The following ARHGAP32 variants were observed in gnomAD, a reference collection of about 807,000 sequenced individuals.
The protein encoded by ARHGAP32 is rho GTPase-activating protein 32.
Under a neutral mutation model 186.5 loss-of-function variants are expected in ARHGAP32, and 51 were observed. The ratio of observed to expected loss-of-function variants is 0.27; its 90% CI spans 0.22 to 0.35. The LOEUF is 0.35. Among genes scored for constraint, ARHGAP32 ranks in the 10% least tolerant of loss-of-function variants. ARHGAP32 has a pLI of 1.00. For missense variants in ARHGAP32, 2,186 were observed against 2,623.5 expected (o/e 0.83, Z 3.64); for synonymous variants, 950 against 964.3 (o/e 0.99, Z 0.27).
At chr11:129,114,686 C>T (rs1383168232) in intron 5 of ARHGAP32, among the ~76,000 whole-genome samples, 1 of 152,034 alleles carries the variant, frequency 6.6e-6, no homozygotes, top group Non-Finnish European at 1.5e-5. Flanking sequence ...ATAATTTTCA[C>T]TTCTCAATTT....
rs934789932 is a variant in ARHGAP32, at chr11:128,986,053, C to T, written c.1476G>A (p.Arg492=). The T allele has an allele frequency of 1.9e-6, 3 of 1,606,970 alleles. No homozygotes were observed. The highest frequency in any genetic ancestry group is 1.1e-5 in the South Asian group (1 of 90,134). Residue 492 remains arginine (R), a synonymous_variant, in exon 15 of 23, where the codon AGG becomes AGA. Coordinates refer to ENST00000682385, the MANE Select transcript of ARHGAP32 (RefSeq NM_001378024.1). ...DAVSAATDEE[R]LIKIHDVIQQ... ...GGATGACATCGTGGATTTTTATCAG[C>T]CTTTCTTCATCTGTTGCTGCTGAAA... is the stretch of plus-strand genomic sequence containing the variant.
chr11:129,174,670 A>C (rs1447079833), intron 1 of ARHGAP32, among the ~76,000 whole-genome samples: 3 of 152,138 alleles, frequency 2.0e-5, no homozygotes, highest in Admixed American at 6.5e-5. Flanking sequence ...AGGCACCCCC[A>C]AGCAGGGGCA....
At chr11:129,186,810 G>A (rs369708425) in intron 1 of ARHGAP32, among the ~76,000 whole-genome samples, 3 of 152,126 alleles carry the variant, frequency 2.0e-5, no homozygotes, top group African/African-American at 7.2e-5. Context: ...AAACTACAGT[G>A]AGAGATCATC....
chr11:129,246,508 T>G (rs1041527543), intron 1 of ARHGAP32, among the ~76,000 whole-genome samples: 1 of 152,182 alleles, frequency 6.6e-6, no homozygotes, highest in Non-Finnish European at 1.5e-5. Context: ...AATAAAATTA[T>G]GAAAGCCAAT....
chr11:129,264,452 G>A (rs1298641929), intron 1 of ARHGAP32, among the ~76,000 whole-genome samples: 1 of 152,186 alleles, frequency 6.6e-6, no homozygotes, highest in Non-Finnish European at 1.5e-5. Context: ...CACTTGTGAT[G>A]ATTAAATCAG....
intron 2 of ARHGAP32, among the ~76,000 whole-genome samples, chr11:129,128,829 C>A (rs1324319554): frequency 6.6e-6 from 1 of 152,206 alleles, no homozygotes; most frequent in Admixed American, 6.5e-5. Context: ...AAGTGATCTG[C>A]CTGCCTCGGC....
At chr11:129,187,174 T>C (rs1944179364) in intron 1 of ARHGAP32, among the ~76,000 whole-genome samples, 1 of 152,188 alleles carries the variant, frequency 6.6e-6, no homozygotes, top group African/African-American at 2.4e-5. Context: ...AATGGAATAC[T>C]ATTCAGTCAT....
At chr11:129,126,978 G>T (rs1942677255) in intron 2 of ARHGAP32, among the ~76,000 whole-genome samples, 1 of 152,188 alleles carries the variant, frequency 6.6e-6, no homozygotes, top group Non-Finnish European at 1.5e-5. Flanking sequence ...ACTCTGTATT[G>T]TTCATAAATT....
chr11:128,989,464 C>A (rs1945973549), intron 12 of ARHGAP32, among the ~76,000 whole-genome samples: 1 of 151,054 alleles, frequency 6.6e-6, no homozygotes. Context: ...GTGAGAGATT[C>A]CAACTCAGGC....
At chr11:129,193,677 ATATAATATATAT>A (rs1944341388), upstream of ARHGAP32, among the ~76,000 whole-genome samples, 1 of 47,546 alleles carries the variant, frequency 2.1e-5, no homozygotes, top group Admixed American at 4.2e-4. Context: ...TATATATAAT[ATATAATATATAT>A]TATATAATAT....
intron 1 of ARHGAP32, among the ~76,000 whole-genome samples, chr11:129,268,605 T>A (rs1352354358): frequency 7.6e-6 from 1 of 131,936 alleles, no homozygotes; most frequent in Non-Finnish European, 1.5e-5. Context: ...CACCCTGAAG[T>A]AACCTTTCTT....
upstream of ARHGAP32, among the ~76,000 whole-genome samples, chr11:129,193,481 CAAA>C (rs1204964930): frequency 7.9e-3 from 206 of 25,978 alleles, no homozygotes; most frequent in African/African-American, 0.018. Flanking sequence ...GACCCTGTCT[CAAA>C]AAAAAAAAAA....
chr11:128,992,007 G>A (rs1347107148), intron 12 of ARHGAP32, among the ~76,000 whole-genome samples: 4 of 152,046 alleles, frequency 2.6e-5, no homozygotes, highest in Non-Finnish European at 5.9e-5. Context: ...AGATACAGAC[G>A]AAAAAGCTGA....
chr11:129,205,286 G>C (rs1384316960), intron 1 of ARHGAP32, among the ~76,000 whole-genome samples: 1 of 151,972 alleles, frequency 6.6e-6, no homozygotes, highest in East Asian at 1.9e-4. Flanking sequence ...AAAATAATAA[G>C]GCTGTTTTTA....
chr11:129,158,863 A>C (rs1943470118), intron 2 of ARHGAP32, among the ~76,000 whole-genome samples: 1 of 151,620 alleles, frequency 6.6e-6, no homozygotes, highest in Admixed American at 6.6e-5. Context: ...ACAGTCTCCC[A>C]AACAATAGGC....
chr11:129,174,314 G>A (rs540994140), intron 1 of ARHGAP32, among the ~76,000 whole-genome samples: 1 of 152,286 alleles, frequency 6.6e-6, no homozygotes, highest in East Asian at 1.9e-4. Flanking sequence ...CTCGCTGATT[G>A]CTAGCACAGC....
intron 10 of ARHGAP32, among the ~76,000 whole-genome samples, chr11:129,050,529 G>A (rs945257209): frequency 1.3e-5 from 2 of 152,074 alleles, no homozygotes; most frequent in Non-Finnish European, 2.9e-5. Flanking sequence ...TGTATGTTCT[G>A]ATACAAATCC....
intron 11 of ARHGAP32, among the ~76,000 whole-genome samples, chr11:129,010,888 A>G (rs1414933875): frequency 6.6e-6 from 1 of 152,210 alleles, no homozygotes; most frequent in Non-Finnish European, 1.5e-5. Flanking sequence ...AATAATTGTC[A>G]AATTTGGTAA....
intron 11 of ARHGAP32, among the ~76,000 whole-genome samples, chr11:129,000,277 C>T (rs2134746646): frequency 6.6e-6 from 1 of 152,138 alleles, no homozygotes; most frequent in Middle Eastern, 3.4e-3. Context: ...AGAAAGACAA[C>T]TAAAAAAACT....
Sources: gnomAD v4.1 joint callset for allele counts (sites outside exome capture counted in the v4.1 genomes callset) on GRCh38, gnomAD v4.1.1 for gene constraint, MANE v1.5 for transcripts, NCBI Gene and HGNC (gene_info 2026-07-23, HGNC 2026-07-21) for gene names.